ADK: variants seen among roughly 807,000 people sequenced by gnomAD.
ADK encodes the protein adenosine kinase.
A neutral mutation model predicts 44.7 loss-of-function variants in ADK; 24 were observed. The observed-to-expected ratio is 0.54, with a 90% CI of 0.39 to 0.76. The LOEUF (loss-of-function observed/expected upper bound fraction) is 0.76. Among genes scored for constraint, ADK ranks in the 30% least tolerant of loss-of-function variants. The pLI is 0.00. For synonymous variants in ADK, 128 were observed against 142.6 expected, an observed-to-expected ratio of 0.90 and a Z score of 0.73; for missense variants, 321 against 425.1, an observed-to-expected ratio of 0.76 and a Z score of 2.15.
intron 3 of ADK, among the ~76,000 whole-genome samples, chr10:74,295,037 G>T (rs1196468309): frequency 6.6e-6 from 1 of 151,800 alleles, no homozygotes; most frequent in Non-Finnish European, 1.5e-5. Context: ...TGTATTTTTT[G>T]ATAGAGCTGG....
intron 1 of ADK, among the ~76,000 whole-genome samples, chr10:74,198,416 T>A (rs537476975): frequency 1.3e-5 from 2 of 152,356 alleles, no homozygotes; most frequent in Non-Finnish European, 2.9e-5. Flanking sequence ...TCTATGGTGT[T>A]AATAAGAGAC....
At chr10:74,455,737 T>C (rs1845921482) in intron 6 of ADK, among the ~76,000 whole-genome samples, 1 of 152,154 alleles carries the variant, frequency 6.6e-6, no homozygotes. Context: ...CTTGATCTCT[T>C]GACCTCGTGA....
chr10:74,693,574 C>T (rs1856066157), intron 10 of ADK, among the ~76,000 whole-genome samples: 1 of 123,780 alleles, frequency 8.1e-6, no homozygotes, highest in Non-Finnish European at 1.8e-5. Flanking sequence ...GTTAGGAATC[C>T]CCCCGGCATT....
intron 7 of ADK, among the ~76,000 whole-genome samples, chr10:74,534,748 TG>T (rs1458454282): frequency 6.6e-6 from 1 of 152,210 alleles, no homozygotes; most frequent in African/African-American, 2.4e-5. Flanking sequence ...TAACTTGCTT[TG>T]ATAACTCACA....
intron 4 of ADK, among the ~76,000 whole-genome samples, chr10:74,321,588 T>G (rs896334536): frequency 6.6e-6 from 1 of 152,248 alleles, no homozygotes; most frequent in Non-Finnish European, 1.5e-5. Flanking sequence ...TTATAATTTC[T>G]AATCTGCTTT....
chr10:74,466,689 G>A (rs1846370113), intron 6 of ADK, among the ~76,000 whole-genome samples: 1 of 152,154 alleles, frequency 6.6e-6, no homozygotes, highest in Non-Finnish European at 1.5e-5. Context: ...TTTTGAGGTT[G>A]AGTGTAAAGG....
chr10:74,622,426 T>C (rs956226110), intron 9 of ADK, among the ~76,000 whole-genome samples: 10 of 151,972 alleles, frequency 6.6e-5, no homozygotes, highest in Admixed American at 6.6e-4. Flanking sequence ...CCTTCTTTAT[T>C]TAAAAAAAAA....
At chr10:74,198,899 T>TTA (rs1314839534) in intron 1 of ADK, among the ~76,000 whole-genome samples, 3 of 152,180 alleles carry the variant, frequency 2.0e-5, no homozygotes, top group Non-Finnish European at 4.4e-5. Flanking sequence ...AAATGAATCC[T>TTA]TATATATATA....
intron 4 of ADK, among the ~76,000 whole-genome samples, chr10:74,391,651 A>ACACACG (rs1367984087): frequency 4.2e-5 from 1 of 24,076 alleles, no homozygotes. Flanking sequence ...AGGCAAGAAT[A>ACACACG]TACACACACA....
chr10:74,176,923 G>A (rs371591639), intron 1 of ADK: 154 of 1,608,528 alleles, frequency 9.6e-5, no homozygotes, highest in Non-Finnish European at 1.3e-4. Flanking sequence ...GCTCCGAGCT[G>A]GGCGTTAGCC....
intron 7 of ADK, among the ~76,000 whole-genome samples, chr10:74,547,996 G>T (rs2133763892): frequency 6.6e-6 from 1 of 151,148 alleles, no homozygotes; most frequent in Non-Finnish European, 1.5e-5. Flanking sequence ...GTTTCATCAT[G>T]TTGGCCATGA....
At chr10:74,649,394 G>A (rs114407289) in intron 9 of ADK, among the ~76,000 whole-genome samples, 231 of 152,214 alleles carry the variant, frequency 1.5e-3, no homozygotes, top group African/African-American at 5.4e-3. Context: ...AGGAGGCCAA[G>A]GTGGGAGGAT....
intron 3 of ADK, among the ~76,000 whole-genome samples, chr10:74,289,686 G>T (rs1305505656): frequency 2.0e-5 from 3 of 151,926 alleles, no homozygotes; most frequent in Non-Finnish European, 2.9e-5. Context: ...TCTCTTAAAA[G>T]TGGCACTATG....
At chr10:74,593,813 A>T (rs1851802721) in intron 8 of ADK, among the ~76,000 whole-genome samples, 1 of 152,208 alleles carries the variant, frequency 6.6e-6, no homozygotes, top group Admixed American at 6.5e-5. Context: ...GCTGGTTAAA[A>T]ATAGAATAAA....
intron 1 of ADK, among the ~76,000 whole-genome samples, chr10:74,181,971 A>T (rs1195603104): frequency 6.6e-6 from 1 of 152,158 alleles, no homozygotes; most frequent in African/African-American, 2.4e-5. Context: ...GCCCTACATG[A>T]TGATTCTGGA....
intron 9 of ADK, among the ~76,000 whole-genome samples, chr10:74,658,908 G>T (rs946547756): frequency 2.0e-5 from 3 of 151,738 alleles, no homozygotes; most frequent in Non-Finnish European, 4.4e-5. Flanking sequence ...ATATATACAC[G>T]TGCATATATA....
intron 10 of ADK, among the ~76,000 whole-genome samples, chr10:74,674,994 G>A (rs144111854): frequency 0.011 from 1,620 of 152,096 alleles, 94 homozygotes; most frequent in Admixed American, 0.096. Flanking sequence ...ATTTTTCTTC[G>A]CTTCATTGCC....
intron 3 of ADK, among the ~76,000 whole-genome samples, chr10:74,284,266 ATT>A (rs71021600): frequency 0.026 from 3,415 of 129,248 alleles, 102 homozygotes; most frequent in African/African-American, 0.076. Context: ...GGCAAATTCT[ATT>A]TTTTTTTTTT....
chr10:74,232,546 G>GCC (rs1313985569), intron 3 of ADK, among the ~76,000 whole-genome samples: 5 of 20,052 alleles, frequency 2.5e-4, no homozygotes, highest in East Asian at 1.6e-3. Context: ...CAACCCCCCC[G>GCC]CACCCCCCCC....
Sources: gnomAD v4.1 joint callset for allele counts (sites outside exome capture counted in the v4.1 genomes callset) on GRCh38, gnomAD v4.1.1 for gene constraint, MANE v1.5 for transcripts, NCBI Gene and HGNC (gene_info 2026-07-23, HGNC 2026-07-21) for gene names.